RANBP17: variants seen among roughly 807,000 people sequenced by gnomAD.
The protein encoded by RANBP17 is RAN binding protein 17, also known as ran-binding protein 17.
Under a neutral mutation model 141.2 loss-of-function variants are expected in RANBP17, and 158 were observed. That is an observed-to-expected ratio of 1.12 (90% CI 0.98 to 1.28). The LOEUF is 1.28. RANBP17 is among the 50% of genes most tolerant of loss of function. The pLI, the probability that RANBP17 is intolerant of heterozygous loss-of-function variation, is 0.00. For missense variants in RANBP17, 1,438 were observed against 1,290.7 expected, an observed-to-expected ratio of 1.11 and a Z score of -1.75; for synonymous variants, 430 against 450.0, an observed-to-expected ratio of 0.96 and a Z score of 0.56.
chr5:170,982,696 G>T (rs1024337871), intron 14 of RANBP17, among the ~76,000 whole-genome samples: 4 of 152,146 alleles, frequency 2.6e-5, no homozygotes, highest in Non-Finnish European at 5.9e-5. Context: ...AAATTCTCCT[G>T]TAGTGAAAGA....
At chr5:170,982,195 G>C (rs1051071245) in intron 14 of RANBP17, among the ~76,000 whole-genome samples, 1 of 152,126 alleles carries the variant, frequency 6.6e-6, no homozygotes, top group Non-Finnish European at 1.5e-5. Flanking sequence ...TGATGAAGAA[G>C]CTTATTCAAG....
intron 21 of RANBP17, among the ~76,000 whole-genome samples, chr5:171,221,512 A>G (rs1051774309): frequency 6.6e-6 from 1 of 152,206 alleles, no homozygotes; most frequent in African/African-American, 2.4e-5. Context: ...TATTGTTTTG[A>G]CAGATAAAAA....
chr5:171,136,112 C>G (rs1757259524), intron 14 of RANBP17, among the ~76,000 whole-genome samples: 1 of 152,172 alleles, frequency 6.6e-6, no homozygotes, highest in African/African-American at 2.4e-5. Context: ...ATGCTTGAAT[C>G]AAATAATTTC....
chr5:170,907,840 A>G (rs1182706706), intron 5 of RANBP17, among the ~76,000 whole-genome samples: 1 of 151,994 alleles, frequency 6.6e-6, no homozygotes, highest in East Asian at 1.9e-4. Flanking sequence ...ATTTAAATTA[A>G]TCAAGAGAGG....
At chr5:171,061,269 G>A (rs1305418478) in intron 14 of RANBP17, among the ~76,000 whole-genome samples, 2 of 151,614 alleles carry the variant, frequency 1.3e-5, no homozygotes, top group East Asian at 1.9e-4. Flanking sequence ...GTCAATTTTG[G>A]ATCTTTCCTG....
intron 14 of RANBP17, among the ~76,000 whole-genome samples, chr5:171,032,089 C>G (rs1008670520): frequency 6.6e-6 from 1 of 152,098 alleles, no homozygotes. Flanking sequence ...TTTGTTATCT[C>G]TTGCAGACCT....
At chr5:171,102,324 C>T (rs560186960) in intron 14 of RANBP17, among the ~76,000 whole-genome samples, 2 of 152,128 alleles carry the variant, frequency 1.3e-5, no homozygotes, top group South Asian at 2.1e-4. Flanking sequence ...CTTGTCTTTA[C>T]ACTTTACTTG....
At chr5:171,148,563 G>A (rs969394138) in intron 14 of RANBP17, among the ~76,000 whole-genome samples, 9 of 151,954 alleles carry the variant, frequency 5.9e-5, no homozygotes, top group African/African-American at 2.2e-4. Flanking sequence ...GTTTAATCCT[G>A]TCTAGTATTG....
intron 14 of RANBP17, among the ~76,000 whole-genome samples, chr5:171,130,077 T>TA (rs1182239871): frequency 2.6e-5 from 4 of 152,184 alleles, no homozygotes; most frequent in Admixed American, 6.5e-5. Flanking sequence ...GGGAAGGACT[T>TA]AAATTCACAG....
At chr5:170,972,661 A>G (rs1171442125) in intron 14 of RANBP17, among the ~76,000 whole-genome samples, 1 of 152,176 alleles carries the variant, frequency 6.6e-6, no homozygotes, top group Non-Finnish European at 1.5e-5. Context: ...ATACTGCAGT[A>G]AATATTCTCA....
chr5:171,075,357 G>A (rs1000692543), intron 14 of RANBP17, among the ~76,000 whole-genome samples: 2 of 152,104 alleles, frequency 1.3e-5, no homozygotes, highest in African/African-American at 2.4e-5. Flanking sequence ...GTGCCAACTT[G>A]ATTAAAGAAA....
chr5:171,097,269 A>G (rs1450179920), intron 14 of RANBP17, among the ~76,000 whole-genome samples: 1 of 152,114 alleles, frequency 6.6e-6, no homozygotes, highest in Non-Finnish European at 1.5e-5. Context: ...TCATCTAATA[A>G]TCTCATTGAG....
In RANBP17 at chr5:170,926,776, T is replaced by C. The variant is rs189435754; in HGVS notation, c.1468+2226T>C. ...CTTTCTTCACTCTAGCAAGTAGTTA[T>C]TCTTAGTTTTGCATGTCTTTCCAAA... On this transcript the variant is annotated intron_variant, in intron 12 of 27. Transcript: ENST00000523189. Among the ~76,000 whole-genome samples, 621 of 152,288 alleles carry C rather than the reference T, an allele frequency of 4.1e-3. 5 individuals carry two copies. The highest frequency in any genetic ancestry group is 0.014 in the African/African-American group (599 of 41,562).
At chr5:171,047,775 G>A (rs895519191) in intron 14 of RANBP17, among the ~76,000 whole-genome samples, 2 of 152,022 alleles carry the variant, frequency 1.3e-5, no homozygotes, top group Admixed American at 6.5e-5. Context: ...TATAGATTTT[G>A]ACTACAAGTT....
chr5:171,185,861 T>C (rs1373346205), intron 18 of RANBP17, among the ~76,000 whole-genome samples: 1 of 152,120 alleles, frequency 6.6e-6, no homozygotes, highest in African/African-American at 2.4e-5. Context: ...TTCCAGAAGG[T>C]TTTCAATTTA....
At chr5:171,089,961 G>A (rs2591496) in intron 14 of RANBP17, among the ~76,000 whole-genome samples, 105,257 of 152,124 alleles carry the variant, frequency 0.69, 36,962 homozygotes, top group South Asian at 0.91. Flanking sequence ...AGCTGTTCCT[G>A]TTCGGCCATC....
chr5:171,299,014 T>C lies in RANBP17; in HGVS notation c.*156T>C. On this transcript the variant is annotated 3_prime_UTR_variant, in exon 28 of 28. Transcript: ENST00000523189. ...TAACTTCTTATACGTCTAGCCTAAT[T>C]ATAAGAATTTCTAACAGTACCAGTG... 1 of 490,708 alleles carries C rather than the reference T, an allele frequency of 2.0e-6. No individual in the cohort carries two copies. Among genetic ancestry groups the C allele is most frequent in the Non-Finnish European group, 3.6e-6 (1 of 275,044 alleles). 30.4% of individuals were successfully genotyped at this position (490,708 alleles called of 1,614,324 possible).
At chr5:171,081,258 A>G (rs1275816894) in intron 14 of RANBP17, among the ~76,000 whole-genome samples, 1 of 152,108 alleles carries the variant, frequency 6.6e-6, no homozygotes, top group Admixed American at 6.5e-5. Context: ...CTAGTCAGTA[A>G]AACTAATATA....
At chr5:171,130,867 A>G (rs927934576) in intron 14 of RANBP17, among the ~76,000 whole-genome samples, 2 of 152,196 alleles carry the variant, frequency 1.3e-5, no homozygotes, top group African/African-American at 4.8e-5. Flanking sequence ...TTTCCCTTCT[A>G]GCTACTTTTG....
Sources: gnomAD v4.1 joint callset for allele counts (sites outside exome capture counted in the v4.1 genomes callset) on GRCh38, gnomAD v4.1.1 for gene constraint, MANE v1.5 for transcripts, NCBI Gene and HGNC (gene_info 2026-07-23, HGNC 2026-07-21) for gene names.